SLC17A3: variants seen among roughly 807,000 people sequenced by gnomAD.
The protein encoded by SLC17A3 is sodium-dependent phosphate transport protein 4.
SLC17A3 carries 61 observed loss-of-function variants against 60.3 expected under a neutral mutation model. That is an observed-to-expected ratio of 1.01 (90% CI 0.82 to 1.25). The LOEUF is 1.25. Ranked by LOEUF, SLC17A3 falls within the 50% of genes most tolerant of loss-of-function variation. The pLI is 0.00. For synonymous variants in SLC17A3, 192 were observed against 208.9 expected, an observed-to-expected ratio of 0.92 and a Z score of 0.70; for missense variants, 624 against 594.9, an observed-to-expected ratio of 1.05 and a Z score of -0.51.
rs1561853560 is a variant in SLC17A3, at chr6:25,849,899, A to T, written c.1177T>A (p.Tyr393Asn). 7 of 1,614,122 alleles carry T rather than the reference A, an allele frequency of 4.3e-6. No homozygotes were observed. In the East Asian group the frequency reaches 1.6e-4, roughly 36 times the overall value. Reference sequence around the variant, plus strand: ...GTCAGCAAGGCAGTTGCTGTGATATAGCCGGAATTGAGGTAAGGCAGAGAC... The same window carrying T: ...GTCAGCAAGGCAGTTGCTGTGATATTGCCGGAATTGAGGTAAGGCAGAGAC... Reference protein sequence around the residue: ...IVSLPYLNSGYITATALLTLS... With the variant: ...IVSLPYLNSGNITATALLTLS... The change falls in exon 10 of 13, where the codon TAT becomes AAT. Residue 393 changes from tyrosine (Y) to asparagine (N), a missense_variant. Coordinates refer to ENST00000397060, the MANE Select transcript of SLC17A3 (RefSeq NM_001098486.2).
intron 2 of SLC17A3, among the ~76,000 whole-genome samples, 192 bp from the exon 3 acceptor site, chr6:25,862,636 C>T (rs1201877184): frequency 6.6e-6 from 1 of 151,798 alleles, no homozygotes; most frequent in African/African-American, 2.4e-5. Flanking sequence ...TTTTATACCA[C>T]AGCTTTGTAG....
chr6:25,845,254 T>G lies in SLC17A3; in HGVS notation c.*47A>C. On this transcript the variant is annotated 3_prime_UTR_variant, in exon 13 of 13. Coordinates refer to ENST00000397060, the MANE Select transcript of SLC17A3 (RefSeq NM_001098486.2). ...TTTTCATCACGGAAGCCTTCTATTT[T>G]ATGCAATACGGTGCCTAATGACTTT... 4 of 1,094,916 alleles carry G rather than the reference T, an allele frequency of 3.7e-6. No individual in the cohort carries two copies. The East Asian group carries it at 9.6e-5, about 26-fold the overall frequency. The allele number at this position is 1,094,916 out of a possible 1,614,324, so 67.8% of individuals were successfully genotyped here.
rs181887173 is a variant in SLC17A3 at position 25,845,239 on chromosome 6, G to A, written c.*62C>T. ...ATCTTTTCACTGGTATTTTCATCAC[G>A]GAAGCCTTCTATTTTATGCAATACG... On this transcript the variant is annotated 3_prime_UTR_variant, in exon 13 of 13. Transcript: ENST00000397060. 5.1e-5 allele frequency: 46 copies of A among 906,404 alleles called. No individual in the cohort carries two copies. Among genetic ancestry groups the A allele is most frequent in the African/African-American group, 4.9e-4 (29 of 59,766 alleles). 56.1% of individuals were successfully genotyped at this position (906,404 alleles called of 1,614,324 possible). A position where few individuals can be genotyped will look rare whatever the true frequency, so the allele number is the denominator to read the frequency against.
At position 25,853,745 on chromosome 6, in the gene SLC17A3, C is replaced by T. The variant is rs78278182; in HGVS notation, c.712+1399G>A. ...CTGCATGTATTTTTGTTATTTTCTT[C>T]CTTCAGTTTGATTTAGGTTTACTTA... On this transcript the variant is annotated intron_variant, in intron 6 of 12. Coordinates refer to ENST00000397060, the MANE Select transcript of SLC17A3 (RefSeq NM_001098486.2). Among the ~76,000 whole-genome samples the T allele has an allele frequency of 2.4e-3, 358 of 152,104 alleles. 1 individual carries two copies. Among genetic ancestry groups the T allele is most frequent in the African/African-American group, 8.1e-3 (336 of 41,492 alleles).
At position 25,850,139 on chromosome 6, in the gene SLC17A3, C is replaced by T. The variant is rs995656208; in HGVS notation, c.1032G>A (p.Trp344Ter). 5 of 1,613,048 alleles carry T rather than the reference C, an allele frequency of 3.1e-6. No homozygotes were observed. Among genetic ancestry groups the T allele is most frequent in the South Asian group, 2.2e-5 (2 of 91,034 alleles). ...GATAGCCTCCCACCATGCCTATGACCCAGGCAACAATAAAAGGAAGGGCAG... is the reference window on the plus strand; with the variant it reads ...GATAGCCTCCCACCATGCCTATGACTCAGGCAACAATAAAAGGAAGGGCAG... ...LLSALPFIVA[W>*]VIGMVGGYLA... The change falls in exon 9 of 13, where the codon TGG becomes TGA. Residue 344 changes from tryptophan (W) to a stop codon, truncating the protein, a stop_gained. Coordinates refer to ENST00000397060, the MANE Select transcript of SLC17A3 (RefSeq NM_001098486.2). LOFTEE classifies it high-confidence loss of function.
chr6:25,867,409 G>A (rs903366795), intron 2 of SLC17A3, among the ~76,000 whole-genome samples: 13 of 151,954 alleles, frequency 8.6e-5, no homozygotes, highest in Admixed American at 7.2e-4. Flanking sequence ...AAAAACTAAC[G>A]TCTCTGTAGT....
intron 5 of SLC17A3, among the ~76,000 whole-genome samples, chr6:25,860,525 G>A (rs760853659): frequency 6.6e-6 from 1 of 152,104 alleles, no homozygotes; most frequent in Non-Finnish European, 1.5e-5. Flanking sequence ...TTCTCCAGTG[G>A]CTTTCTGTTG....
chr6:25,868,137 T>G (rs894379582), intron 2 of SLC17A3, among the ~76,000 whole-genome samples, 160 bp downstream of exon 2: 1 of 152,000 alleles, frequency 6.6e-6, no homozygotes, highest in African/African-American at 2.4e-5. Flanking sequence ...TTCTTTTTAG[T>G]AATTTTTATT....
In SLC17A3 at chr6:25,850,848, A is replaced by G. The variant is rs183650600; in HGVS notation, c.742T>C (p.Trp248Arg). The G allele has an allele frequency of 5.0e-6, 8 of 1,614,124 alleles. 1 individual carries two copies. The Admixed American group carries it at 1.0e-4, about 20-fold the overall frequency. ...GGVGCVCCLL[W>R]FVVIYDDPVS... is the part of the protein sequence containing the mutation. ...GGGTCATCATAAATCACAACAAACC[A>G]GAGAAGGCAGCAGACACAGCCAACA... Residue 248 changes from tryptophan (W) to arginine (R), a missense_variant, in exon 7 of 13, where the codon TGG (tryptophan) becomes CGG (arginine). Transcript: ENST00000397060.
chr6:25,861,256 A>G (rs1765441140), intron 5 of SLC17A3, among the ~76,000 whole-genome samples: 1 of 152,186 alleles, frequency 6.6e-6, no homozygotes, highest in Non-Finnish European at 1.5e-5. Context: ...GTAAACTCCC[A>G]AATGTCAGGA....
At chr6:25,845,982 A>G (rs1765167678) in intron 11 of SLC17A3, among the ~76,000 whole-genome samples, 1 of 152,184 alleles carries the variant, frequency 6.6e-6, no homozygotes, top group Non-Finnish European at 1.5e-5. Context: ...AATTTTCACA[A>G]CTGATGTGAG....
intron 5 of SLC17A3, among the ~76,000 whole-genome samples, chr6:25,858,546 C>T (rs1470943415): frequency 6.6e-6 from 1 of 152,150 alleles, no homozygotes; most frequent in Non-Finnish European, 1.5e-5. Flanking sequence ...GCTGGCCTGT[C>T]ATTCTCTTCT....
chr6:25,852,180 A>G (rs893178884), intron 6 of SLC17A3, among the ~76,000 whole-genome samples: 1 of 151,846 alleles, frequency 6.6e-6, no homozygotes, highest in East Asian at 1.9e-4. Context: ...TCTCTCTTGC[A>G]CTGCTTCTAA....
intron 11 of SLC17A3, among the ~76,000 whole-genome samples, chr6:25,847,197 T>C (rs1430455447): frequency 1.3e-5 from 2 of 152,200 alleles, no homozygotes; most frequent in African/African-American, 4.8e-5. Flanking sequence ...GTTCCTGCGT[T>C]AGTTTTCTAG....
chr6:25,860,996 T>C (rs1297735357), intron 5 of SLC17A3, among the ~76,000 whole-genome samples: 1 of 152,174 alleles, frequency 6.6e-6, no homozygotes, highest in African/African-American at 2.4e-5. Context: ...CCTGGCTTCT[T>C]GGTACTCATA....
At chr6:25,864,883 T>C (rs1318608439) in intron 2 of SLC17A3, among the ~76,000 whole-genome samples, 2 of 151,966 alleles carry the variant, frequency 1.3e-5, no homozygotes, top group Non-Finnish European at 2.9e-5. Flanking sequence ...GGCTCTTCAG[T>C]GTTTGGAGGT....
At chr6:25,850,252 A>G in intron 8 of SLC17A3, 75 bp from the exon 9 acceptor site, 1 of 1,471,322 alleles carries the variant, frequency 6.8e-7, no homozygotes, top group Non-Finnish European at 9.4e-7. Context: ...AATTACTACT[A>G]ATAATAATGA....
At chr6:25,859,801 C>T (rs1765417507) in intron 5 of SLC17A3, among the ~76,000 whole-genome samples, 1 of 152,126 alleles carries the variant, frequency 6.6e-6, no homozygotes, top group Non-Finnish European at 1.5e-5. Flanking sequence ...ACACTTGATT[C>T]AGGTCATGCG....
At chr6:25,872,002 C>A (rs1765650230) in intron 1 of SLC17A3, among the ~76,000 whole-genome samples, 1 of 151,972 alleles carries the variant, frequency 6.6e-6, no homozygotes, top group South Asian at 2.1e-4. Context: ...TGTACTGGAA[C>A]CAACTCACTT....
Sources: gnomAD v4.1 joint callset for allele counts (sites outside exome capture counted in the v4.1 genomes callset) on GRCh38, gnomAD v4.1.1 for gene constraint, MANE v1.5 for transcripts, NCBI Gene and HGNC (gene_info 2026-07-23, HGNC 2026-07-21) for gene names.